EYS: variants seen among roughly 807,000 people sequenced by gnomAD.
EYS encodes the protein EGF-like photoreceptor maintenance factor.
In EYS, 250 loss-of-function variants were observed where a neutral mutation model predicts 282.1. The ratio of observed to expected loss-of-function variants is 0.89; its 90% CI spans 0.80 to 0.98. The LOEUF (loss-of-function observed/expected upper bound fraction) is 0.98. EYS is among the 50% of genes least tolerant of loss of function. EYS has a pLI of 0.00. For missense variants in EYS, 4,016 were observed against 3,709.0 expected (o/e 1.08, Z -2.15); for synonymous variants, 1,355 against 1,282.9 (o/e 1.06, Z -1.20).
chr6:63,793,288 C>T lies in EYS; in HGVS notation c.7412-4064G>A, dbSNP rs115255381. Among the ~76,000 whole-genome samples the T allele has an allele frequency of 1.7e-3, 264 of 152,310 alleles. 1 individual carries two copies. The highest frequency in any genetic ancestry group is 6.1e-3 in the African/African-American group (254 of 41,560). On this transcript the variant is annotated intron_variant, in intron 37 of 42. Transcript: ENST00000503581. ...AAGTCCACAATTCCTTTTCCTCTCA[C>T]TCCTACCTTACTCATCAGTAGCCAA...
Position 65,068,855 on chromosome 6 carries a change from T to C in EYS, c.2024-11128A>G, listed in dbSNP as rs141869052. ...CATAAGCCATGCTCTGCAGTATCTG[T>C]TAAATTCTCATGCTATTTATAAACC... On this transcript the variant is annotated intron_variant, in intron 12 of 42. Coordinates refer to ENST00000503581, the MANE Select transcript of EYS (RefSeq NM_001142800.2). 3.2e-4 allele frequency among the ~76,000 whole-genome samples: 48 copies of C among 152,210 alleles called. 1 individual carries two copies. In the East Asian group the frequency reaches 8.9e-3, roughly 28 times the overall value.
chr6:65,349,882 T>C (rs1437388821), intron 9 of EYS, among the ~76,000 whole-genome samples: 1 of 151,558 alleles, frequency 6.6e-6, no homozygotes, highest in Non-Finnish European at 1.5e-5. Context: ...TACAGCAATA[T>C]CTAAAGTTTT....
intron 29 of EYS, among the ~76,000 whole-genome samples, chr6:64,324,697 G>A (rs1770342677): frequency 6.6e-6 from 1 of 152,118 alleles, no homozygotes; most frequent in African/African-American, 2.4e-5. Context: ...AATGTGATGG[G>A]ACTGTATATT....
At chr6:64,041,080 A>T (rs749401136) in intron 33 of EYS, among the ~76,000 whole-genome samples, 1 of 152,152 alleles carries the variant, frequency 6.6e-6, no homozygotes, top group Non-Finnish European at 1.5e-5. Flanking sequence ...GTAATTTTAG[A>T]TGACCTATAC....
At chr6:65,338,073 A>G (rs1348802548) in intron 10 of EYS, among the ~76,000 whole-genome samples, 2 of 151,276 alleles carry the variant, frequency 1.3e-5, no homozygotes, top group African/African-American at 4.8e-5. Context: ...TGTGATATGA[A>G]CACCTAAATT....
intron 12 of EYS, among the ~76,000 whole-genome samples, chr6:65,235,467 A>G (rs932871092): frequency 1.3e-5 from 2 of 152,160 alleles, no homozygotes; most frequent in African/African-American, 4.8e-5. Flanking sequence ...AGGTTTGGCA[A>G]TTTTTATTCT....
intron 11 of EYS, among the ~76,000 whole-genome samples, chr6:65,321,762 T>G (rs1039471): frequency 0.55 from 83,033 of 152,004 alleles, 24,457 homozygotes; most frequent in East Asian, 0.9. Flanking sequence ...GGCACAAAGA[T>G]GTTGTGTGAG....
At chr6:65,458,862 A>G (rs1417233258) in intron 5 of EYS, among the ~76,000 whole-genome samples, 3 of 152,116 alleles carry the variant, frequency 2.0e-5, no homozygotes, top group Non-Finnish European at 2.9e-5. Context: ...GCAATGTTTC[A>G]AATAAAACAT....
Position 65,313,610 on chromosome 6 carries a change from C to G in EYS, c.1767-17491G>C, listed in dbSNP as rs544599284. On this transcript the variant is annotated intron_variant, in intron 11 of 42. Transcript: ENST00000503581. The stretch of plus-strand genomic sequence containing the variant: ...GTTATTCTCACGTTAGCTGTTCAAA[C>G]TACCTAAATAACAGTCTACCTACTA... 3.8e-4 allele frequency among the ~76,000 whole-genome samples: 57 copies of G among 151,154 alleles called. 1 individual carries two copies. The highest frequency in any genetic ancestry group is 1.4e-3 in the African/African-American group (57 of 41,208).
intron 26 of EYS, among the ~76,000 whole-genome samples, chr6:64,564,417 A>G (rs1285175242): frequency 6.6e-6 from 1 of 151,374 alleles, no homozygotes; most frequent in Non-Finnish European, 1.5e-5. Flanking sequence ...AGTTGGGACT[A>G]CAGGTGCACA....
chr6:65,301,899 T>C (rs1383770028), intron 11 of EYS, among the ~76,000 whole-genome samples: 1 of 152,266 alleles, frequency 6.6e-6, no homozygotes, highest in Non-Finnish European at 1.5e-5. Context: ...TGATGCTTTT[T>C]AGGATTTGGG....
chr6:65,416,917 T>A (rs1035699547), intron 5 of EYS, among the ~76,000 whole-genome samples: 7 of 151,908 alleles, frequency 4.6e-5, no homozygotes, highest in African/African-American at 1.7e-4. Context: ...AAGAAATAAA[T>A]ACAAGAAAAT....
intron 13 of EYS, among the ~76,000 whole-genome samples, chr6:65,007,694 TAAAC>T (rs1418344500): frequency 2.0e-5 from 3 of 151,764 alleles, no homozygotes; most frequent in Non-Finnish European, 2.9e-5. Context: ...AGGAGATAAA[TAAAC>T]AATTAACCAA....
intron 29 of EYS, among the ~76,000 whole-genome samples, chr6:64,346,280 T>C (rs571609559): frequency 1.1e-3 from 166 of 152,196 alleles, no homozygotes; most frequent in African/African-American, 3.6e-3. Context: ...CTATTCACAA[T>C]AGCAAAGACT....
intron 14 of EYS, among the ~76,000 whole-genome samples, chr6:64,983,030 T>C (rs943926314): frequency 2.0e-5 from 3 of 151,234 alleles, no homozygotes; most frequent in African/African-American, 7.3e-5. Context: ...ATAGATATCA[T>C]GGATTAAACG....
At chr6:65,438,377 C>CCCAAT (rs1768169628) in intron 5 of EYS, among the ~76,000 whole-genome samples, 3 of 151,994 alleles carry the variant, frequency 2.0e-5, no homozygotes, top group Non-Finnish European at 2.9e-5. Context: ...TACCCAGTAA[C>CCCAAT]GGGATGGCTG....
intron 1 of EYS, among the ~76,000 whole-genome samples, chr6:65,696,613 C>G (rs940326222): frequency 6.6e-6 from 1 of 151,818 alleles, no homozygotes; most frequent in Non-Finnish European, 1.5e-5. Flanking sequence ...ATATGGAAAC[C>G]TCTTCAAATT....
At chr6:65,115,051 A>G (rs1322605054) in intron 12 of EYS, among the ~76,000 whole-genome samples, 2 of 151,990 alleles carry the variant, frequency 1.3e-5, no homozygotes, top group East Asian at 3.9e-4. Flanking sequence ...TTCTCGGCCT[A>G]CTACATCAAC....
chr6:65,065,405 T>A (rs1193218868), intron 12 of EYS, among the ~76,000 whole-genome samples: 1 of 149,880 alleles, frequency 6.7e-6, no homozygotes, highest in Admixed American at 6.7e-5. Context: ...TTTTTTGAGA[T>A]GGAGTATCGC....
Sources: gnomAD v4.1 joint callset for allele counts (sites outside exome capture counted in the v4.1 genomes callset) on GRCh38, gnomAD v4.1.1 for gene constraint, MANE v1.5 for transcripts, NCBI Gene and HGNC (gene_info 2026-07-23, HGNC 2026-07-21) for gene names.